Variants in CIDEC observed in about 807,000 individuals in gnomAD.
CIDEC encodes the protein lipid transferase CIDEC.
CIDEC carries 11 observed loss-of-function variants against 21.9 expected under a neutral mutation model. That is an observed-to-expected ratio of 0.50 (90% confidence interval 0.32 to 0.83). The LOEUF (loss-of-function observed/expected upper bound fraction) is 0.83, where lower values mean the gene tolerates loss of function less well. Ranked by LOEUF, CIDEC falls within the 40% of genes least tolerant of loss-of-function variation. CIDEC has a pLI of 0.04. For synonymous variants in CIDEC, 127 were observed against 124.9 expected (o/e 1.02, Z -0.11); for missense variants, 302 against 302.3 (o/e 1.00, Z 0.01).
chr3:9,870,820 T>G (rs746382910), intron 4 of CIDEC, among the ~76,000 whole-genome samples: 25 of 152,158 alleles, frequency 1.6e-4, no homozygotes, highest in Non-Finnish European at 3.7e-4. Flanking sequence ...TTTATGTTTT[T>G]TTAAAGATGG....
intron 4 of CIDEC, among the ~76,000 whole-genome samples, chr3:9,871,562 T>C (rs957716146): frequency 2.0e-5 from 3 of 152,116 alleles, no homozygotes; most frequent in African/African-American, 7.2e-5. Context: ...TAGCAACGTA[T>C]GAGAACTCCA....
chr3:9,867,277 G>A lies in CIDEC; in HGVS notation c.574C>T (p.Leu192Phe). ...TGGCCTGTGGCCTGCATGCTGAAGAGGGCCCAGCGGAAAGCTTCCCTGGGT... is the reference window on the plus strand; with the variant it reads ...TGGCCTGTGGCCTGCATGCTGAAGAAGGCCCAGCGGAAAGCTTCCCTGGGT... ...RIMKEAFRWA[L>F]FSMQATGHVL... Residue 192 changes from leucine (L) to phenylalanine (F), a missense_variant, in exon 7 of 7, where the codon CTC becomes TTC. Transcript: ENST00000336832. The A allele has an allele frequency of 6.2e-7, 1 of 1,614,192 alleles. No individual in the cohort carries two copies. The highest frequency in any genetic ancestry group is 8.5e-7 in the Non-Finnish European group (1 of 1,180,054).
Position 9,867,171 on chromosome 3 carries a change from G to A in CIDEC, c.680C>T (p.Ser227Leu), listed in dbSNP as rs138931759. Residue 227 changes from serine to leucine, a missense_variant, in exon 7 of 7, where the codon TCA becomes TTA. By Grantham distance (145) the Ser-to-Leu change is moderately radical. Coordinates refer to ENST00000336832, the MANE Select transcript of CIDEC (RefSeq NM_001321142.2). ...EEGQPPKGKA[S>L]SLIPTCLKIL... ...CTTCAGACAGGTCGGGATAAGGGATGAGGCCTTGCCCTTGGGGGGCTGCCC... is the reference window on the plus strand; with the variant it reads ...CTTCAGACAGGTCGGGATAAGGGATAAGGCCTTGCCCTTGGGGGGCTGCCC... The A allele has an allele frequency of 2.1e-4, 342 of 1,613,808 alleles. No individual in the cohort carries two copies. The highest frequency in any genetic ancestry group is 2.7e-4 in the Non-Finnish European group (321 of 1,180,056).
chr3:9,876,248 T>C (rs1575455723), intron 4 of CIDEC, among the ~76,000 whole-genome samples: 2 of 152,082 alleles, frequency 1.3e-5, no homozygotes, highest in South Asian at 4.2e-4. Flanking sequence ...CAGAGGTGGG[T>C]GGATTACCTG....
intron 3 of CIDEC, 190 bp downstream of exon 3, chr3:9,878,237 TGGTGTAA>T: frequency 1.6e-6 from 1 of 626,222 alleles, no homozygotes; most frequent in Non-Finnish European, 2.9e-6. Context: ...GGTGTGGTGG[TGGTGTAA>T]GCAGCAGCAT....
intron 4 of CIDEC, among the ~76,000 whole-genome samples, chr3:9,874,534 A>C (rs2082394028): frequency 6.8e-6 from 1 of 146,170 alleles, no homozygotes. Context: ...TAATAATAAT[A>C]ATAATAATAA....
chr3:9,867,307 T>A lies in CIDEC; in HGVS notation c.555-11A>T. The A allele has an allele frequency of 6.2e-7, 1 of 1,613,980 alleles. No individual in the cohort carries two copies. The highest frequency in any genetic ancestry group is 8.5e-7 in the Non-Finnish European group (1 of 1,179,988). On this transcript the variant is annotated splice_polypyrimidine_tract_variant and intron_variant, in intron 6 of 6. Transcript: ENST00000336832. ...CAGCGGAAAGCTTCCCTGGGTGGAA[T>A]GAGAGGGCACGCAAGTCAAAACCAC...
intron 4 of CIDEC, among the ~76,000 whole-genome samples, chr3:9,875,755 C>A (rs2125050476): frequency 6.6e-6 from 1 of 152,332 alleles, no homozygotes; most frequent in East Asian, 1.9e-4. Context: ...AGCAAGTTGG[C>A]AACTTACTCT....
At chr3:9,868,079 A>G (rs1188567118) in intron 6 of CIDEC, among the ~76,000 whole-genome samples, 2 of 152,236 alleles carry the variant, frequency 1.3e-5, no homozygotes, top group Non-Finnish European at 2.9e-5. Flanking sequence ...GTAGCACTAA[A>G]AGCATTTCAT....
chr3:9,872,059 C>T (rs1011537679), intron 4 of CIDEC, among the ~76,000 whole-genome samples: 2 of 151,674 alleles, frequency 1.3e-5, no homozygotes, highest in African/African-American at 2.4e-5. Flanking sequence ...GCAGTCCTCC[C>T]GCCTCGGCCT....
chr3:9,871,291 A>G (rs2082344442), intron 4 of CIDEC, among the ~76,000 whole-genome samples: 1 of 144,104 alleles, frequency 6.9e-6, no homozygotes, highest in African/African-American at 2.6e-5. Flanking sequence ...TGATCCTTCT[A>G]CTTTAGCCTC....
In CIDEC at chr3:9,867,185, G is replaced by C. The variant is rs1394894145; in HGVS notation, c.666C>G (p.Pro222=). ...LLDATEEGQP[P]KGKASSLIPT... ...GGATAAGGGATGAGGCCTTGCCCTT[G>C]GGGGGCTGCCCTTCCTCCGTAGCAT... is the stretch of plus-strand genomic sequence containing the variant. Residue 222 remains proline (P), a synonymous_variant, in exon 7 of 7, where the codon CCC becomes CCG. Coordinates refer to ENST00000336832, the MANE Select transcript of CIDEC (RefSeq NM_001321142.2). 6.2e-7 allele frequency: 1 copy of C among 1,613,908 alleles called. No individual in the cohort carries two copies. Among genetic ancestry groups the C allele is most frequent in the African/African-American group, 1.3e-5 (1 of 74,934 alleles).
intron 3 of CIDEC, chr3:9,877,919 C>T (rs2082449856): frequency 1.2e-5 from 2 of 166,328 alleles, no homozygotes; most frequent in South Asian, 2.9e-4. Flanking sequence ...CTTGGCCTCA[C>T]TCTCCTCACC....
chr3:9,875,826 A>G (rs895258034), intron 4 of CIDEC, among the ~76,000 whole-genome samples: 6 of 152,210 alleles, frequency 3.9e-5, no homozygotes, highest in Non-Finnish European at 7.3e-5. Flanking sequence ...TTAGTTTGCA[A>G]TTGCTTCCTC....
At position 9,870,220 on chromosome 3, in the gene CIDEC, C is replaced by G. The variant is rs768706357; in HGVS notation, c.310G>C (p.Asp104His). ...TTCTGGAGGACCATGAACACTGTAT[C>G]CCCTGCCAGGGCTTGGAAGTACTCT... ...TEEYFQALAGDTVFMVLQKGQ... is the reference protein window; with the variant it reads ...TEEYFQALAGHTVFMVLQKGQ... The change falls in exon 5 of 7, where the codon GAT becomes CAT. Residue 104 changes from aspartate (D) to histidine (H), a missense_variant. Physicochemically the swap from Asp to His is moderately conservative, Grantham distance 81. Transcript: ENST00000336832. The G allele has an allele frequency of 9.3e-6, 15 of 1,614,154 alleles. No individual in the cohort carries two copies. The highest frequency in any genetic ancestry group is 1.3e-5 in the Non-Finnish European group (15 of 1,180,022).
At chr3:9,871,629 A>G (rs576355167) in intron 4 of CIDEC, among the ~76,000 whole-genome samples, 16 of 148,054 alleles carry the variant, frequency 1.1e-4, no homozygotes, top group Non-Finnish European at 2.2e-4. Flanking sequence ...AAAAATCCTT[A>G]TTTTTTTTTC....
chr3:9,866,844 T>C lies in CIDEC; in HGVS notation c.*290A>G, dbSNP rs922925048. 1.0e-4 allele frequency: 62 copies of C among 595,924 alleles called. No individual in the cohort carries two copies. The highest frequency in any genetic ancestry group is 4.4e-4 in the Middle Eastern group (1 of 2,252). 36.9% of individuals were successfully genotyped at this position (595,924 alleles called of 1,614,324 possible). On this transcript the variant is annotated 3_prime_UTR_variant, in exon 7 of 7. Transcript: ENST00000336832. ...TGAAAGTACAGCCTGCGAGGCCAGA[T>C]TGCTAAGGGGCAGACTTCATGCCAA...
Position 9,867,203 on chromosome 3 carries a change from C to T in CIDEC, c.648G>A (p.Thr216=), listed in dbSNP as rs562320960. 54 of 1,614,060 alleles carry T rather than the reference C, an allele frequency of 3.3e-5. No homozygotes were observed. The highest frequency in any genetic ancestry group is 1.2e-4 in the Admixed American group (7 of 60,028). ...SCYLQQLLDA[T]EEGQPPKGKA... ...TGCCCTTGGGGGGCTGCCCTTCCTC[C>T]GTAGCATCGAGGAGCTGCTGCAGGT... Residue 216 remains threonine (T), a synonymous_variant, in exon 7 of 7, where the codon ACG becomes ACA. Transcript: ENST00000336832.
chr3:9,869,093 T>TG (rs963994247), intron 6 of CIDEC, among the ~76,000 whole-genome samples: 10 of 152,120 alleles, frequency 6.6e-5, no homozygotes, highest in Non-Finnish European at 1.5e-4. Context: ...CCTCCCAAAG[T>TG]GCTGGGATCC....
Sources: gnomAD v4.1 joint callset for allele counts (sites outside exome capture counted in the v4.1 genomes callset) on GRCh38, gnomAD v4.1.1 for gene constraint, MANE v1.5 for transcripts, NCBI Gene and HGNC (gene_info 2026-07-23, HGNC 2026-07-21) for gene names.